The following GPHN variants were observed in gnomAD, a reference collection of about 807,000 sequenced individuals.
The protein encoded by GPHN is gephyrin.
GPHN carries 17 observed loss-of-function variants against 95.5 expected under a neutral mutation model. The ratio of observed to expected loss-of-function variants is 0.18; its 90% CI spans 0.12 to 0.27. The LOEUF is 0.27. Ranked by LOEUF, GPHN falls within the 10% of genes least tolerant of loss-of-function variation. The pLI is 1.00. For synonymous variants in GPHN, 320 were observed against 322.5 expected (o/e 0.99, Z 0.08); for missense variants, 660 against 978.1 (o/e 0.67, Z 4.34).
the GPHN span, chr14:67,674,369 C>A: frequency 3.1e-6 from 5 of 1,588,056 alleles, no homozygotes; most frequent in Non-Finnish European, 4.3e-6. Flanking sequence ...CCCACCCCCG[C>A]CTCACCGGTC....
intron 2 of GPHN, chr14:66,709,503 G>C: frequency 2.3e-6 from 1 of 427,036 alleles, no homozygotes; most frequent in South Asian, 1.7e-5. Context: ...TGAATTCACT[G>C]GACAAAGGGA....
chr14:67,642,085 TATG>T, the GPHN span: 2 of 1,127,134 alleles, frequency 1.8e-6, no homozygotes, highest in Non-Finnish European at 2.6e-6. Flanking sequence ...ACAAAATGAT[TATG>T]ATGTGTACTT....
intron 4 of GPHN, among the ~76,000 whole-genome samples, chr14:66,861,389 A>C (rs1329186418): frequency 1.3e-5 from 2 of 152,082 alleles, no homozygotes; most frequent in Non-Finnish European, 2.9e-5. Flanking sequence ...ATTCCAATAC[A>C]ATAATAACTG....
intron 4 of GPHN, among the ~76,000 whole-genome samples, chr14:66,831,807 T>C (rs1010686456): frequency 1.3e-5 from 2 of 152,200 alleles, no homozygotes; most frequent in Non-Finnish European, 2.9e-5. Flanking sequence ...AATTACTGTG[T>C]GCAAATAACT....
the GPHN span, among the ~76,000 whole-genome samples, chr14:67,424,281 A>T: frequency 2.6e-5 from 4 of 151,982 alleles, no homozygotes; most frequent in Admixed American, 1.3e-4. Context: ...AATTAAAAAT[A>T]AAAAGGGGAG....
At chr14:67,246,293 A>T in the GPHN span, among the ~76,000 whole-genome samples, 1 of 151,418 alleles carries the variant, frequency 6.6e-6, no homozygotes, top group African/African-American at 2.4e-5. Context: ...CACTTGGCTG[A>T]TTTTTAAATT....
At chr14:67,627,237 C>T in the GPHN span, among the ~76,000 whole-genome samples, 3 of 129,438 alleles carry the variant, frequency 2.3e-5, no homozygotes, top group African/African-American at 9.3e-5. Flanking sequence ...AAAAACTAGG[C>T]AATTGTGATC....
At chr14:67,267,791 T>C in the GPHN span, among the ~76,000 whole-genome samples, 1 of 152,206 alleles carries the variant, frequency 6.6e-6, no homozygotes, top group Non-Finnish European at 1.5e-5. Context: ...CAAACTGCTT[T>C]TTGTAATAGC....
At chr14:66,971,374 CAT>C (rs2069763781) in intron 9 of GPHN, among the ~76,000 whole-genome samples, 1 of 152,052 alleles carries the variant, frequency 6.6e-6, no homozygotes, top group African/African-American at 2.4e-5. Flanking sequence ...ACATAAACAA[CAT>C]ATTTTATGAA....
chr14:66,577,992 ATC>A (rs1266215222), intron 1 of GPHN, among the ~76,000 whole-genome samples: 1 of 151,988 alleles, frequency 6.6e-6, no homozygotes, highest in Admixed American at 6.6e-5. Flanking sequence ...GGAAGAGTGA[ATC>A]TCTGACTCAT....
chr14:67,166,939 G>A (rs1309297457), intron 20 of GPHN, among the ~76,000 whole-genome samples: 2 of 152,182 alleles, frequency 1.3e-5, no homozygotes, highest in Non-Finnish European at 2.9e-5. Context: ...AAAGTTTTGG[G>A]ATTACAGGCA....
chr14:67,421,511 T>A, the GPHN span, among the ~76,000 whole-genome samples: 1 of 152,134 alleles, frequency 6.6e-6, no homozygotes, highest in African/African-American at 2.4e-5. Flanking sequence ...CCAGGGCTCC[T>A]CCTTCTGGGC....
intron 20 of GPHN, among the ~76,000 whole-genome samples, chr14:67,166,866 C>T (rs2082309451): frequency 6.6e-6 from 1 of 152,128 alleles, no homozygotes; most frequent in Admixed American, 6.5e-5. Context: ...GACGGGGTTT[C>T]ACCATGTTGC....
At chr14:67,097,519 CTTTCCCTCCCTA>C (rs1291979516) in intron 12 of GPHN, among the ~76,000 whole-genome samples, 2 of 151,982 alleles carry the variant, frequency 1.3e-5, no homozygotes, top group South Asian at 2.1e-4. Flanking sequence ...CCCTCTCCTT[CTTTCCCTCCCTA>C]TTTCCCTCCC....
At chr14:67,542,897 T>C in the GPHN span, among the ~76,000 whole-genome samples, 1 of 152,054 alleles carries the variant, frequency 6.6e-6, no homozygotes, top group Non-Finnish European at 1.5e-5. Context: ...ACGTGGTTTC[T>C]CCATGTTGGT....
rs377198431 is a variant in GPHN at position 66,700,682 on chromosome 14, T to C, written c.143+19497T>C. Among the ~76,000 whole-genome samples, 14 of 152,256 alleles carry C rather than the reference T, an allele frequency of 9.2e-5. No homozygotes were observed. The South Asian group carries it at 2.9e-3, about 32-fold the overall frequency. On this transcript the variant is annotated intron_variant, in intron 2 of 22. Transcript: ENST00000478722. ...GGCTCACTCCTGTAATCCCAGCACC[T>C]TGGGGGCCGAGGCGGGTGGATCATG... is the stretch of plus-strand genomic sequence containing the variant.
Position 66,824,491 on chromosome 14 carries a change from G to C in GPHN, c.219G>C (p.Trp73Cys), listed in dbSNP as rs760839998. Reference sequence around the variant, plus strand: ...TCTTTCAGGAAACCCTGATAGATTGGTGTGATGAAAAGGAACTTAATTTGA... The same window carrying C: ...TCTTTCAGGAAACCCTGATAGATTGCTGTGATGAAAAGGAACTTAATTTGA... Reference protein sequence around the residue: ...IEEIKETLIDWCDEKELNLIL... With the variant: ...IEEIKETLIDCCDEKELNLIL... Residue 73 changes from tryptophan (W) to cysteine (C), a missense_variant, in exon 4 of 23, where the codon TGG (tryptophan) becomes TGC (cysteine). By Grantham distance (215) the Trp-to-Cys change is radical. Around this residue, in one of 6 missense-constraint regions of GPHN, gnomAD observed 92 missense variants for 91.9 expected, o/e 1.00. Transcript: ENST00000478722. The C allele has an allele frequency of 6.3e-7, 1 of 1,582,236 alleles. No homozygotes were observed. Among genetic ancestry groups the C allele is most frequent in the Non-Finnish European group, 8.7e-7 (1 of 1,151,606 alleles).
At chr14:66,901,839 C>T (rs1418872178) in intron 5 of GPHN, among the ~76,000 whole-genome samples, 1 of 151,718 alleles carries the variant, frequency 6.6e-6, no homozygotes, top group East Asian at 1.9e-4. Context: ...TTTTTTTGCT[C>T]AAGATTGCTT....
At chr14:67,651,789 T>TAATCA in the GPHN span, 1 of 257,812 alleles carries the variant, frequency 3.9e-6, no homozygotes, top group South Asian at 4.9e-5. Context: ...CTAGAAAAAG[T>TAATCA]AATCAAATAG....
Sources: allele counts gnomAD v4.1 joint callset (sites outside exome capture counted in the v4.1 genomes callset), GRCh38; gene constraint gnomAD v4.1.1; regional missense constraint gnomAD v4.1.1; transcripts MANE v1.5; gene names NCBI Gene and HGNC (gene_info 2026-07-23, HGNC 2026-07-21).